Variants in GPC5 observed in about 807,000 individuals in gnomAD.
The protein encoded by GPC5 is glypican-5.
Under a neutral mutation model 53.9 loss-of-function variants are expected in GPC5, and 47 were observed. The observed-to-expected ratio is 0.87, with a 90% CI of 0.69 to 1.11. GPC5 has a LOEUF of 1.11. GPC5 is among the 50% of genes most tolerant of loss of function. The probability of loss-of-function intolerance (pLI) is 0.00; values close to 1 mark genes in which losing one functional copy is unlikely to be tolerated. For synonymous variants in GPC5, 286 were observed against 263.3 expected, an observed-to-expected ratio of 1.09 and a Z score of -0.84; for missense variants, 748 against 713.1, an observed-to-expected ratio of 1.05 and a Z score of -0.56.
At chr13:92,045,312 A>G (rs1390164348) in intron 6 of GPC5, among the ~76,000 whole-genome samples, 1 of 152,206 alleles carries the variant, frequency 6.6e-6, no homozygotes, top group Non-Finnish European at 1.5e-5. Context: ...AAGAGAAGCA[A>G]TATATGAACC....
intron 7 of GPC5, among the ~76,000 whole-genome samples, chr13:92,478,292 C>A (rs1469435472): frequency 6.6e-6 from 1 of 152,118 alleles, no homozygotes; most frequent in Non-Finnish European, 1.5e-5. Flanking sequence ...CCTGCAATTT[C>A]TCTTGATCCT....
chr13:91,589,840 A>G (rs1248850308), intron 2 of GPC5, among the ~76,000 whole-genome samples: 2 of 152,102 alleles, frequency 1.3e-5, no homozygotes, highest in Non-Finnish European at 2.9e-5. Flanking sequence ...AGGGATTCAA[A>G]CTATATCTTC....
chr13:92,423,250 T>C (rs1395288813), intron 7 of GPC5, among the ~76,000 whole-genome samples: 2 of 152,198 alleles, frequency 1.3e-5, no homozygotes, highest in Non-Finnish European at 2.9e-5. Context: ...CATGAATTTG[T>C]TGGGGGCATA....
At chr13:92,792,182 G>T (rs2138776056) in intron 7 of GPC5, among the ~76,000 whole-genome samples, 1 of 152,200 alleles carries the variant, frequency 6.6e-6, no homozygotes, top group East Asian at 1.9e-4. Context: ...TACCCACAAA[G>T]GGAAGCCTGT....
At chr13:91,785,626 A>G (rs1175576271) in intron 5 of GPC5, among the ~76,000 whole-genome samples, 1 of 152,238 alleles carries the variant, frequency 6.6e-6, no homozygotes, top group East Asian at 1.9e-4. Flanking sequence ...GTTCAAAACG[A>G]AACTGATCTT....
chr13:92,075,603 TA>T (rs1164159517), intron 6 of GPC5, among the ~76,000 whole-genome samples: 1 of 152,214 alleles, frequency 6.6e-6, no homozygotes, highest in African/African-American at 2.4e-5. Context: ...TTTTTATCAT[TA>T]AATTTTTAAT....
intron 6 of GPC5, among the ~76,000 whole-genome samples, chr13:92,140,853 C>T (rs1366740660): frequency 6.6e-6 from 1 of 152,142 alleles, no homozygotes; most frequent in African/African-American, 2.4e-5. Flanking sequence ...ATCTCACTTC[C>T]AGTTGCTGCT....
intron 2 of GPC5, among the ~76,000 whole-genome samples, chr13:91,616,390 T>C (rs1047014272): frequency 1.3e-5 from 2 of 152,108 alleles, no homozygotes; most frequent in Non-Finnish European, 2.9e-5. Flanking sequence ...CCTCCCAGTG[T>C]TTCCTATAAA....
chr13:91,653,557 GC>G (rs1344324581), intron 2 of GPC5, among the ~76,000 whole-genome samples: 1 of 152,092 alleles, frequency 6.6e-6, no homozygotes, highest in African/African-American at 2.4e-5. Flanking sequence ...AAAGATAAAT[GC>G]TTGAGGGAAT....
At chr13:92,031,701 ATTAT>A (rs1159453465) in intron 6 of GPC5, among the ~76,000 whole-genome samples, 9,949 of 82,842 alleles carry the variant, frequency 0.12, 3,328 homozygotes, top group African/African-American at 0.17. Flanking sequence ...TATATAATAT[ATTAT>A]ATATATTACA....
At chr13:92,862,400 A>T (rs1361834775) in intron 7 of GPC5, among the ~76,000 whole-genome samples, 1 of 152,136 alleles carries the variant, frequency 6.6e-6, no homozygotes, top group Non-Finnish European at 1.5e-5. Context: ...CCAGAAATAA[A>T]TTATTTTGAC....
At chr13:92,621,482 C>A (rs1243259928) in intron 7 of GPC5, among the ~76,000 whole-genome samples, 4 of 152,238 alleles carry the variant, frequency 2.6e-5, no homozygotes, top group South Asian at 2.1e-4. Flanking sequence ...CGTGACTGAA[C>A]TTTTGCCCAG....
At chr13:91,804,485 T>A (rs16946808) in intron 5 of GPC5, among the ~76,000 whole-genome samples, 21,028 of 152,130 alleles carry the variant, frequency 0.14, 1,606 homozygotes, top group African/African-American at 0.19. Flanking sequence ...TTTGGAAAAA[T>A]TTCTTGACAT....
intron 3 of GPC5, among the ~76,000 whole-genome samples, chr13:91,703,806 G>A (rs534899252): frequency 3.3e-5 from 5 of 152,016 alleles, no homozygotes; most frequent in Admixed American, 6.6e-5. Flanking sequence ...ATTTTAAAAT[G>A]TTTCATTCAA....
chr13:92,748,877 T>C (rs1889309794), intron 7 of GPC5, among the ~76,000 whole-genome samples: 1 of 152,182 alleles, frequency 6.6e-6, no homozygotes, highest in South Asian at 2.1e-4. Flanking sequence ...AGTGTATGGA[T>C]GAAAAGGGAT....
chr13:92,563,728 T>G (rs1882772402), intron 7 of GPC5, among the ~76,000 whole-genome samples: 1 of 152,090 alleles, frequency 6.6e-6, no homozygotes, highest in Admixed American at 6.6e-5. Context: ...ATTATGATAA[T>G]GTTATATTTA....
At chr13:92,185,308 A>G (rs1279547775) in intron 7 of GPC5, among the ~76,000 whole-genome samples, 1 of 152,198 alleles carries the variant, frequency 6.6e-6, no homozygotes, top group Non-Finnish European at 1.5e-5. Flanking sequence ...GTGAAAATAC[A>G]ATAATTTTGA....
chr13:92,034,569 A>G (rs768662271), intron 6 of GPC5, among the ~76,000 whole-genome samples: 13 of 152,318 alleles, frequency 8.5e-5, no homozygotes, highest in Non-Finnish European at 1.9e-4. Context: ...AGTCATTTCT[A>G]CTAGTGCAAG....
At chr13:92,591,352 T>G (rs1883705883) in intron 7 of GPC5, among the ~76,000 whole-genome samples, 1 of 152,150 alleles carries the variant, frequency 6.6e-6, no homozygotes, top group Non-Finnish European at 1.5e-5. Context: ...CAGCGTGAGT[T>G]ATGGCTGTAT....
Sources: gnomAD v4.1 joint callset for allele counts (sites outside exome capture counted in the v4.1 genomes callset) on GRCh38, gnomAD v4.1.1 for gene constraint, MANE v1.5 for transcripts, NCBI Gene and HGNC (gene_info 2026-07-23, HGNC 2026-07-21) for gene names.